GSE1: variants seen among roughly 807,000 people sequenced by gnomAD.
GSE1 encodes genetic suppressor element 1.
A neutral mutation model predicts 112.6 loss-of-function variants in GSE1; 32 were observed. That is an observed-to-expected ratio of 0.28 (90% CI 0.21 to 0.38). GSE1 has a LOEUF of 0.38. Among genes scored for constraint, GSE1 ranks in the 10% least tolerant of loss-of-function variants. The pLI is 1.00. For missense variants in GSE1, 2,348 were observed against 1,699.2 expected (o/e 1.38, Z -6.71); for synonymous variants, 1,115 against 735.6 (o/e 1.52, Z -8.35).
At chr16:85,584,805 A>T (rs908470334) in intron 1 of GSE1, among the ~76,000 whole-genome samples, 1 of 152,112 alleles carries the variant, frequency 6.6e-6, no homozygotes, top group Non-Finnish European at 1.5e-5. Context: ...TGGGAGCAGC[A>T]CGGCTGAGCA....
At chr16:85,249,813 A>C (rs1000273748) in intron 1 of GSE1, among the ~76,000 whole-genome samples, 12 of 152,224 alleles carry the variant, frequency 7.9e-5, no homozygotes, top group African/African-American at 2.7e-4. Context: ...GCCGCCCTGC[A>C]GTTTGGCAGG....
At chr16:85,621,472 T>C (rs555730408) in intron 1 of GSE1, among the ~76,000 whole-genome samples, 1 of 152,382 alleles carries the variant, frequency 6.6e-6, no homozygotes, top group East Asian at 1.9e-4. Context: ...CTTATCGTTT[T>C]ACAACGTGTT....
At chr16:85,299,789 A>T (rs572442270) in intron 1 of GSE1, among the ~76,000 whole-genome samples, 5 of 152,146 alleles carry the variant, frequency 3.3e-5, no homozygotes, top group Admixed American at 1.3e-4. Context: ...ATAAGAAAAA[A>T]TTTAGCCAAG....
chr16:85,672,274 C>T (rs59013010), intron 15 of GSE1, 131 bp from the exon 16 acceptor site: 18,862 of 682,650 alleles, frequency 0.028, 1,102 homozygotes, highest in East Asian at 0.14. Context: ...GGATTACAGG[C>T]GTGAGCCACC....
At chr16:85,524,912 G>A (rs1429474493) in intron 2 of GSE1, among the ~76,000 whole-genome samples, 2 of 152,190 alleles carry the variant, frequency 1.3e-5, no homozygotes, top group African/African-American at 4.8e-5. Flanking sequence ...CCGAGGCCAT[G>A]GAGGCTGCCA....
chr16:85,204,957 C>G (rs1156883494), intron 1 of GSE1, among the ~76,000 whole-genome samples: 1 of 152,160 alleles, frequency 6.6e-6, no homozygotes, highest in Non-Finnish European at 1.5e-5. Context: ...CAGGACACTC[C>G]AAAAGGGAAT....
intron 1 of GSE1, among the ~76,000 whole-genome samples, chr16:85,232,467 C>G (rs1369632454): frequency 6.6e-6 from 1 of 152,096 alleles, no homozygotes; most frequent in African/African-American, 2.4e-5. Context: ...CTGTGAGTGT[C>G]CAGAGTGAAA....
chr16:85,586,107 C>T (rs903720362), intron 1 of GSE1, among the ~76,000 whole-genome samples: 4 of 152,198 alleles, frequency 2.6e-5, no homozygotes, highest in African/African-American at 9.7e-5. Flanking sequence ...TGTGTCTCTT[C>T]GCATCATCAT....
In GSE1 at chr16:85,480,724, T is replaced by C. The variant is rs141080460; in HGVS notation, c.2464+123081T>C. Among the ~76,000 whole-genome samples the C allele has an allele frequency of 4.8e-3, 726 of 152,100 alleles. 5 individuals carry two copies. The highest frequency in any genetic ancestry group is 0.016 in the African/African-American group (678 of 41,496). ...GGGGTGGCCAAGGTCCCTGAGAAGATGTGGGGCCAGACTGGGTGGCCAGCA... is the reference window on the plus strand; with the variant it reads ...GGGGTGGCCAAGGTCCCTGAGAAGACGTGGGGCCAGACTGGGTGGCCAGCA... On this transcript the variant is annotated intron_variant, in intron 2 of 2. Coordinates refer to the GSE1 transcript ENST00000637419.
rs567149847 is a variant in GSE1 at position 85,273,723 on chromosome 16, C to A, written c.2284-83740C>A. ...GTTTTTTTTGAGATGGAGTTTAGCC[C>A]TTGTCGCCCAGTCTGGAGTGCAGTG... On this transcript the variant is annotated intron_variant, in intron 1 of 2. Transcript: ENST00000637419. Among the ~76,000 whole-genome samples the A allele has an allele frequency of 2.5e-4, 38 of 152,098 alleles. 1 individual carries two copies. The highest frequency in any genetic ancestry group is 2.3e-3 in the Admixed American group (35 of 15,278).
chr16:85,635,516 C>T (rs530481183), intron 2 of GSE1, among the ~76,000 whole-genome samples: 14 of 152,148 alleles, frequency 9.2e-5, no homozygotes, highest in South Asian at 8.3e-4. Context: ...CTCTCTGGGG[C>T]GGTGAACAAG....
intron 2 of GSE1, among the ~76,000 whole-genome samples, chr16:85,539,126 T>G (rs1358229222): frequency 6.6e-6 from 1 of 152,260 alleles, no homozygotes; most frequent in African/African-American, 2.4e-5. Flanking sequence ...CTGTGCAGTT[T>G]ATTTATGTAT....
At chr16:85,238,735 A>G (rs1904926378) in intron 1 of GSE1, among the ~76,000 whole-genome samples, 1 of 152,136 alleles carries the variant, frequency 6.6e-6, no homozygotes, top group Non-Finnish European at 1.5e-5. Context: ...ACCATCAGTC[A>G]GGGTGGGGGA....
At chr16:85,652,227 C>A (rs556498318) in intron 3 of GSE1, among the ~76,000 whole-genome samples, 1 of 152,238 alleles carries the variant, frequency 6.6e-6, no homozygotes, top group Non-Finnish European at 1.5e-5. Context: ...GGTGCCGTGA[C>A]GGGCACATGC....
At chr16:85,304,598 G>T (rs371296436) in intron 1 of GSE1, among the ~76,000 whole-genome samples, 1 of 108,420 alleles carries the variant, frequency 9.2e-6, no homozygotes, top group Non-Finnish European at 2.0e-5. Flanking sequence ...GCCAAGCCGG[G>T]GGCGGGGGGG....
chr16:85,274,865 T>C (rs1909199806), intron 1 of GSE1, among the ~76,000 whole-genome samples: 1 of 152,272 alleles, frequency 6.6e-6, no homozygotes, highest in South Asian at 2.1e-4. Context: ...AGCTCAGTCC[T>C]GGACCCTGCA....
chr16:85,612,511 C>A (rs1363321369), upstream of GSE1, among the ~76,000 whole-genome samples: 1 of 152,112 alleles, frequency 6.6e-6, no homozygotes, highest in African/African-American at 2.4e-5. Context: ...ATCCCCCTGG[C>A]GAAGCGGCGC....
intron 1 of GSE1, among the ~76,000 whole-genome samples, chr16:85,271,709 C>T (rs1196397943): frequency 6.6e-6 from 1 of 152,214 alleles, no homozygotes; most frequent in Non-Finnish European, 1.5e-5. Flanking sequence ...TGCCATGACC[C>T]ACCACCTCTG....
At chr16:85,589,576 G>A (rs74396677) in intron 1 of GSE1, among the ~76,000 whole-genome samples, 1,656 of 152,302 alleles carry the variant, frequency 0.011, 31 homozygotes, top group African/African-American at 0.038. Flanking sequence ...CATTTCTGAA[G>A]CATCGTGCCT....
Sources: gnomAD v4.1 joint callset for allele counts (sites outside exome capture counted in the v4.1 genomes callset) on GRCh38, gnomAD v4.1.1 for gene constraint, MANE v1.5 for transcripts, NCBI Gene and HGNC (gene_info 2026-07-23, HGNC 2026-07-21) for gene names.